Variants in CACNA1C observed in about 807,000 individuals in gnomAD.
CACNA1C encodes calcium voltage-gated channel subunit alpha1 C.
CACNA1C carries 30 observed loss-of-function variants against 229.0 expected under a neutral mutation model. That is an observed-to-expected ratio of 0.13 (90% confidence interval 0.10 to 0.18). CACNA1C has a LOEUF of 0.18. Ranked by LOEUF, CACNA1C falls within the 10% of genes least tolerant of loss-of-function variation. The pLI is 1.00. For synonymous variants in CACNA1C, 1,114 were observed against 1,132.5 expected, an observed-to-expected ratio of 0.98 and a Z score of 0.33; for missense variants, 1,658 against 2,845.0, an observed-to-expected ratio of 0.58 and a Z score of 9.49.
At chr12:2,318,003 C>T (rs1282774791) in intron 3 of CACNA1C, among the ~76,000 whole-genome samples, 6 of 152,266 alleles carry the variant, frequency 3.9e-5, no homozygotes, top group South Asian at 4.2e-4. Context: ...CGCCTTCTGC[C>T]GGTGCTCAGA....
In CACNA1C at chr12:2,485,450, C is replaced by T. The variant is rs144850016; in HGVS notation, c.758-654C>T. ...TAAGGGGGGCCTTCTCCCCATAGACCGCGGTGCAAGCCCCAGACCTCACCG... is the reference window on the plus strand; with the variant it reads ...TAAGGGGGGCCTTCTCCCCATAGACTGCGGTGCAAGCCCCAGACCTCACCG... On this transcript the variant is annotated intron_variant, in intron 5 of 46. Coordinates refer to ENST00000399655, the MANE Select transcript of CACNA1C (RefSeq NM_000719.7). Among the ~76,000 whole-genome samples, 920 of 152,308 alleles carry T rather than the reference C, an allele frequency of 6.0e-3. 9 individuals carry two copies. Among genetic ancestry groups the T allele is most frequent in the Middle Eastern group, 0.031 (9 of 294 alleles).
intron 13 of CACNA1C, among the ~76,000 whole-genome samples, chr12:2,572,458 C>T (rs1422809406): frequency 2.0e-5 from 1 of 50,218 alleles, no homozygotes; most frequent in Non-Finnish European, 4.0e-5. Flanking sequence ...CCTCTTCCTC[C>T]TCCTCCTCTT....
chr12:2,111,582 G>C (rs2081774808), intron 1 of CACNA1C, among the ~76,000 whole-genome samples: 1 of 152,070 alleles, frequency 6.6e-6, no homozygotes, highest in Non-Finnish European at 1.5e-5. Context: ...GGCGTGAGCT[G>C]TGGAGGGCTT....
rs567271911 is a variant in CACNA1C at position 2,605,292 on chromosome 12, G to A, written c.3048+124G>A. 117 of 672,168 alleles carry A rather than the reference G, an allele frequency of 1.7e-4. No individual in the cohort carries two copies. The highest frequency in any genetic ancestry group is 1.3e-3 in the East Asian group (47 of 37,156). 41.6% of individuals were successfully genotyped at this position (672,168 alleles called of 1,614,324 possible). A position where few individuals can be genotyped will look rare whatever the true frequency, so the allele number is the denominator to read the frequency against. The stretch of plus-strand genomic sequence containing the variant: ...CCAAGTGGCTGCCATGTGGGGTCCC[G>A]GACACTGGTCCCACTGCATGTCCCG... On this transcript the variant is annotated intron_variant, in intron 23 of 46. Coordinates refer to ENST00000399655, the MANE Select transcript of CACNA1C (RefSeq NM_000719.7). The surrounding 1 kb of genome is among the most constrained non-coding windows in gnomAD (Gnocchi z 6.2).
At position 2,585,816 on chromosome 12, in the gene CACNA1C, C is replaced by G; in HGVS notation, c.2461-19C>G. Reference sequence around the variant, plus strand: ...ACGTATCTAACTATTCTTCCCCCTTCTCCCCTGTGACTGTCTAGATCAACA... The same window carrying G: ...ACGTATCTAACTATTCTTCCCCCTTGTCCCCTGTGACTGTCTAGATCAACA... On this transcript the variant is annotated intron_variant, in intron 17 of 46. Transcript: ENST00000399655. The surrounding 1 kb of genome is among the most constrained non-coding windows in gnomAD (Gnocchi z 4.1). 1 of 1,583,928 alleles carries G rather than the reference C, an allele frequency of 6.3e-7. No homozygotes were observed. Among genetic ancestry groups the G allele is most frequent in the Non-Finnish European group, 8.6e-7 (1 of 1,156,238 alleles).
intron 3 of CACNA1C, among the ~76,000 whole-genome samples, chr12:2,333,195 T>C (rs1163232757): frequency 2.7e-5 from 4 of 149,792 alleles, no homozygotes; most frequent in African/African-American, 9.9e-5. Flanking sequence ...CGGAATCTCA[T>C]TTAATCCCCC....
chr12:2,458,645 G>T (rs2099463535), intron 5 of CACNA1C, among the ~76,000 whole-genome samples: 1 of 152,154 alleles, frequency 6.6e-6, no homozygotes, highest in African/African-American at 2.4e-5. Flanking sequence ...GTTTGGAGAT[G>T]GTGTAAGGGA....
intron 3 of CACNA1C, among the ~76,000 whole-genome samples, chr12:2,306,066 C>T (rs2094990978): frequency 6.6e-6 from 1 of 152,214 alleles, no homozygotes; most frequent in Non-Finnish European, 1.5e-5. Context: ...GTAGTGGAGC[C>T]AGGATTTGAG....
At chr12:2,230,369 G>C (rs991286718) in intron 3 of CACNA1C, among the ~76,000 whole-genome samples, 1 of 152,202 alleles carries the variant, frequency 6.6e-6, no homozygotes, top group African/African-American at 2.4e-5. Context: ...CTTGTGAGGA[G>C]CAATGGCGGT....
chr12:2,305,552 C>G (rs925121549), intron 3 of CACNA1C, among the ~76,000 whole-genome samples: 3 of 152,192 alleles, frequency 2.0e-5, no homozygotes, highest in Non-Finnish European at 4.4e-5. Context: ...CCTCAAAAAA[C>G]AGGTTGCTCA....
intron 1 of CACNA1C, among the ~76,000 whole-genome samples, chr12:2,083,508 G>A (rs189424648): frequency 4.3e-4 from 66 of 152,318 alleles, no homozygotes; most frequent in African/African-American, 1.5e-3. Flanking sequence ...GAGAAGCTGG[G>A]TTTATGCTGT....
chr12:2,126,656 A>C (rs1222038938), intron 3 of CACNA1C, among the ~76,000 whole-genome samples: 1 of 152,132 alleles, frequency 6.6e-6, no homozygotes, highest in Non-Finnish European at 1.5e-5. Flanking sequence ...CTTCCTTCAG[A>C]GGTTGTGAGA....
At chr12:2,243,667 A>G (rs988554065) in intron 3 of CACNA1C, among the ~76,000 whole-genome samples, 1 of 152,232 alleles carries the variant, frequency 6.6e-6, no homozygotes, top group African/African-American at 2.4e-5. Context: ...ATAATGGGAT[A>G]ATAGTAGCTA....
chr12:2,486,403 G>A lies in CACNA1C; in HGVS notation c.916+141G>A, dbSNP rs928993662. 17 of 622,100 alleles carry A rather than the reference G, an allele frequency of 2.7e-5. No individual in the cohort carries two copies. The highest frequency in any genetic ancestry group is 4.4e-5 in the Non-Finnish European group (17 of 382,158). The allele number at this position is 622,100 out of a possible 1,614,324, so 38.5% of individuals were successfully genotyped here. A position where few individuals can be genotyped will look rare whatever the true frequency, so the allele number is the denominator to read the frequency against. ...TCAGACACACACTGGGCATGGTTAA[G>A]TGAGAGGCAGAGACCCGTATCCTTT... On this transcript the variant is annotated intron_variant, in intron 6 of 46. Coordinates refer to ENST00000399655, the MANE Select transcript of CACNA1C (RefSeq NM_000719.7). This position sits in a 1 kb window ranked among gnomAD's most constrained non-coding sequence, Gnocchi z 4.9.
At chr12:1,987,702 C>T (rs749054567) in intron 1 of CACNA1C, among the ~76,000 whole-genome samples, 3 of 152,180 alleles carry the variant, frequency 2.0e-5, no homozygotes, top group Non-Finnish European at 2.9e-5. Flanking sequence ...TTACAATACA[C>T]ACAAATTCAC....
chr12:2,165,151 G>C (rs1301173202), intron 3 of CACNA1C, among the ~76,000 whole-genome samples: 1 of 152,224 alleles, frequency 6.6e-6, no homozygotes. Context: ...TGACTCTCTA[G>C]AGTCTTAGGT....
chr12:2,249,820 G>A lies in CACNA1C; in HGVS notation c.477+129390G>A, dbSNP rs533800195. Among the ~76,000 whole-genome samples the A allele has an allele frequency of 2.7e-3, 413 of 150,496 alleles. 6 individuals carry two copies. Among genetic ancestry groups the A allele is most frequent in the African/African-American group, 9.7e-3 (394 of 40,796 alleles). ...GAGTCTCACTCTGTTGCCCAGGCTG[G>A]AGTGCAGTGGCGCGATCCTGGCTCA... On this transcript the variant is annotated intron_variant, in intron 3 of 46. Transcript: ENST00000399655.
chr12:1,987,137 CGATTTGTTAATACAAAT>C, intron 1 of CACNA1C, among the ~76,000 whole-genome samples: 1 of 152,280 alleles, frequency 6.6e-6, no homozygotes, highest in South Asian at 2.1e-4. Context: ...GCTTTACAAA[CGATTTGTTAATACAAAT>C]GGGCATTAGA....
At chr12:1,989,856 G>A (rs1297102489) in intron 1 of CACNA1C, among the ~76,000 whole-genome samples, 1 of 152,168 alleles carries the variant, frequency 6.6e-6, no homozygotes, top group Non-Finnish European at 1.5e-5. Context: ...TACTATATGG[G>A]AATATTACAA....
Sources: gnomAD v4.1 joint callset for allele counts (sites outside exome capture counted in the v4.1 genomes callset) on GRCh38, gnomAD v4.1.1 for gene constraint, Gnocchi (gnomAD v3.1) non-coding constraint, MANE v1.5 for transcripts, NCBI Gene and HGNC (gene_info 2026-07-23, HGNC 2026-07-21) for gene names.